The following SMCHD1 variants were observed in gnomAD, a reference collection of about 807,000 sequenced individuals.
SMCHD1 encodes structural maintenance of chromosomes flexible hinge domain-containing protein 1.
Under a neutral mutation model 254.7 loss-of-function variants are expected in SMCHD1, and 78 were observed. The ratio of observed to expected loss-of-function variants is 0.31; its 90% CI spans 0.26 to 0.37. SMCHD1 has a LOEUF of 0.37. Ranked by LOEUF, SMCHD1 falls within the 10% of genes least tolerant of loss-of-function variation. The pLI is 1.00. For synonymous variants in SMCHD1, 766 were observed against 794.9 expected (o/e 0.96, Z 0.61); for missense variants, 1,840 against 2,408.1 (o/e 0.76, Z 4.94).
At chr18:2,792,586 AATAC>A (rs1462955152) in intron 45 of SMCHD1, among the ~76,000 whole-genome samples, 1 of 152,226 alleles carries the variant, frequency 6.6e-6, no homozygotes, top group Admixed American at 6.5e-5. Context: ...GGACTACTGT[AATAC>A]ATAGTTTGTA....
chr18:2,717,323 T>A (rs1473838532), intron 17 of SMCHD1, among the ~76,000 whole-genome samples: 1 of 152,172 alleles, frequency 6.6e-6, no homozygotes, highest in Non-Finnish European at 1.5e-5. Flanking sequence ...TGTTGCCCAC[T>A]GTAGTGTTCA....
intron 42 of SMCHD1, 63 bp downstream of exon 42, chr18:2,775,987 TGAATTTAAAAATGATTTCTCTAAAA>T: frequency 7.5e-7 from 1 of 1,329,932 alleles, no homozygotes; most frequent in Admixed American, 3.1e-5. Context: ...ATCAAAGCCT[TGAATTTAAAAATGATTTCTCTAAAA>T]GATACCTAAA....
intron 3 of SMCHD1, among the ~76,000 whole-genome samples, chr18:2,669,601 C>G (rs1231094642): frequency 1.3e-5 from 2 of 152,212 alleles, no homozygotes; most frequent in Non-Finnish European, 2.9e-5. Context: ...ACTTGGTGAT[C>G]AGGTCCTATC....
At chr18:2,740,090 G>C (rs951558274) in intron 27 of SMCHD1, among the ~76,000 whole-genome samples, 1 of 151,326 alleles carries the variant, frequency 6.6e-6, no homozygotes, top group African/African-American at 2.4e-5. Flanking sequence ...CCCTAGCCCC[G>C]ACTCCCCGAC....
rs190357742 is a variant in SMCHD1 at position 2,660,725 on chromosome 18, A to C, written c.186+4464A>C. Among the ~76,000 whole-genome samples the C allele has an allele frequency of 1.0e-3, 155 of 151,996 alleles. 4 individuals are homozygous for C. In the East Asian group the frequency reaches 0.027, roughly 26 times the overall value. ...CTGACCTCAGGTGATCGATCTACCC[A>C]CCTCGGCCTCCAAAAGTGCTGGGAT... On this transcript the variant is annotated intron_variant, in intron 1 of 47. Transcript: ENST00000320876.
intron 5 of SMCHD1, among the ~76,000 whole-genome samples, chr18:2,675,198 A>G (rs2073713349): frequency 6.6e-6 from 1 of 151,968 alleles, no homozygotes; most frequent in South Asian, 2.1e-4. Context: ...TATGGTAAAC[A>G]GTCAATAAAT....
intron 8 of SMCHD1, among the ~76,000 whole-genome samples, chr18:2,696,063 C>T (rs1032914196): frequency 8.5e-5 from 13 of 152,050 alleles, no homozygotes; most frequent in Admixed American, 3.9e-4. Context: ...CGAATAAAGA[C>T]GTGGTATTTT....
intron 38 of SMCHD1, 24 bp downstream of exon 38, chr18:2,769,844 T>C: frequency 1.3e-6 from 2 of 1,585,428 alleles, no homozygotes; most frequent in Non-Finnish European, 1.7e-6. Context: ...AAATAAATGG[T>C]TAAACTCCGT....
At chr18:2,689,852 TAAAAAAAAAA>T (rs1167921048) in intron 7 of SMCHD1, among the ~76,000 whole-genome samples, 2 of 72,512 alleles carry the variant, frequency 2.8e-5, no homozygotes, top group African/African-American at 5.9e-5. Context: ...TTGTCTCTAC[TAAAAAAAAAA>T]AAAAAAAAAA....
intron 44 of SMCHD1, 124 bp downstream of exon 44, chr18:2,778,363 G>A (rs541640329): frequency 9.2e-6 from 6 of 651,196 alleles, no homozygotes; most frequent in Middle Eastern, 3.6e-4. Flanking sequence ...AAATTGATAA[G>A]CAACATAAAA....
chr18:2,720,151 A>C (rs2074894508), intron 19 of SMCHD1, among the ~76,000 whole-genome samples: 1 of 152,038 alleles, frequency 6.6e-6, no homozygotes, highest in Admixed American at 6.5e-5. Flanking sequence ...AAAATATCTA[A>C]TGTTAGGATG....
intron 37 of SMCHD1, 45 bp from the exon 38 acceptor site, chr18:2,769,649 T>A (rs1480788403): frequency 1.9e-6 from 3 of 1,546,136 alleles, no homozygotes; most frequent in Non-Finnish European, 2.6e-6. Flanking sequence ...TTGTAAATTT[T>A]CTTTTTAAAT....
intron 3 of SMCHD1, among the ~76,000 whole-genome samples, chr18:2,672,454 C>T (rs2073634655): frequency 6.6e-6 from 1 of 152,104 alleles, no homozygotes; most frequent in South Asian, 2.1e-4. Context: ...TCTCAAACTC[C>T]TGACCTCATG....
chr18:2,739,545 CA>C (rs2075309643), intron 27 of SMCHD1, 25 bp downstream of exon 27: 1 of 1,564,002 alleles, frequency 6.4e-7, no homozygotes, highest in South Asian at 1.1e-5. Flanking sequence ...CTTTAAAAAA[CA>C]AACAACAAAA....
At chr18:2,725,389 T>C (rs1009197682) in intron 21 of SMCHD1, among the ~76,000 whole-genome samples, 4 of 151,850 alleles carry the variant, frequency 2.6e-5, no homozygotes, top group African/African-American at 9.7e-5. Context: ...TATGAGAAAT[T>C]TCAGCTCACA....
At chr18:2,708,882 A>G (rs1328351593) in intron 17 of SMCHD1, among the ~76,000 whole-genome samples, 3 of 64,470 alleles carry the variant, frequency 4.7e-5, no homozygotes, top group African/African-American at 2.6e-4. Context: ...ATATATATAT[A>G]TATATATATA....
chr18:2,730,319 C>T (rs779345137), intron 24 of SMCHD1, among the ~76,000 whole-genome samples: 18 of 152,214 alleles, frequency 1.2e-4, no homozygotes, highest in South Asian at 2.1e-4. Context: ...TACAGGCACC[C>T]GCCACCACGC....
chr18:2,782,261 C>G (rs1307497349), intron 44 of SMCHD1, among the ~76,000 whole-genome samples: 3 of 151,826 alleles, frequency 2.0e-5, no homozygotes, highest in African/African-American at 7.3e-5. Context: ...TTTTTTTGTC[C>G]TAATAGTGTA....
At chr18:2,770,848 T>C (rs1794184762) in intron 39 of SMCHD1, among the ~76,000 whole-genome samples, 1 of 152,146 alleles carries the variant, frequency 6.6e-6, no homozygotes, top group Non-Finnish European at 1.5e-5. Context: ...CTCGAACTTC[T>C]TACCTCAAGT....
Sources: gnomAD v4.1 joint callset for allele counts (sites outside exome capture counted in the v4.1 genomes callset) on GRCh38, gnomAD v4.1.1 for gene constraint, MANE v1.5 for transcripts, NCBI Gene and HGNC (gene_info 2026-07-23, HGNC 2026-07-21) for gene names.